The following STMN2 variants were observed in gnomAD, a reference collection of about 807,000 sequenced individuals.
STMN2 encodes stathmin 2.
In STMN2, 2 loss-of-function variants were observed where a neutral mutation model predicts 24.1. The ratio of observed to expected loss-of-function variants is 0.08; its 90% CI spans 0.03 to 0.26. The LOEUF (loss-of-function observed/expected upper bound fraction) is 0.26, where lower values mean the gene tolerates loss of function less well. Ranked by LOEUF, STMN2 falls within the 10% of genes least tolerant of loss-of-function variation. STMN2 has a pLI of 1.00. For synonymous variants in STMN2, 83 were observed against 77.5 expected (o/e 1.07, Z -0.37); for missense variants, 114 against 213.6 (o/e 0.53, Z 2.91).
chr8:79,655,687 T>C (rs1357309943), intron 4 of STMN2, among the ~76,000 whole-genome samples: 3 of 152,176 alleles, frequency 2.0e-5, no homozygotes, highest in Non-Finnish European at 4.4e-5. Context: ...GGAGGAGCTG[T>C]GCTGGAGTTC....
intron 1 of STMN2, among the ~76,000 whole-genome samples, chr8:79,625,869 G>T (rs1382244386): frequency 6.6e-6 from 1 of 152,162 alleles, no homozygotes; most frequent in Non-Finnish European, 1.5e-5. Context: ...GAGGCAGGGA[G>T]AATCGCTTGA....
chr8:79,632,881 T>C (rs1052844204), intron 1 of STMN2, among the ~76,000 whole-genome samples: 12 of 152,236 alleles, frequency 7.9e-5, no homozygotes, highest in African/African-American at 2.2e-4. Context: ...TTAATGATTG[T>C]TCCCACACAA....
At chr8:79,636,780 A>T in intron 1 of STMN2, 22 bp from the exon 2 acceptor site, 1 of 1,604,752 alleles carries the variant, frequency 6.2e-7, no homozygotes. Context: ...GAAATATACT[A>T]ATCTTCAGCT....
intron 3 of STMN2, among the ~76,000 whole-genome samples, chr8:79,643,149 GTATA>G (rs201477262): frequency 5.0e-5 from 7 of 140,100 alleles, no homozygotes; most frequent in African/African-American, 1.3e-4. Flanking sequence ...ATGTGTGTGT[GTATA>G]TATATATATA....
intron 3 of STMN2, among the ~76,000 whole-genome samples, chr8:79,651,529 C>T (rs1281553007): frequency 6.6e-6 from 1 of 152,174 alleles, no homozygotes; most frequent in Non-Finnish European, 1.5e-5. Context: ...AGTGGTGTTG[C>T]TGTATTACCT....
chr8:79,636,929 A>G (rs769492383), intron 2 of STMN2, 32 bp downstream of exon 2: 4 of 1,586,878 alleles, frequency 2.5e-6, no homozygotes, highest in Non-Finnish European at 3.5e-6. Context: ...TACCCCTGCT[A>G]GCTAGATCAT....
chr8:79,628,693 T>C (rs560423635), intron 1 of STMN2, among the ~76,000 whole-genome samples: 3 of 152,296 alleles, frequency 2.0e-5, no homozygotes, highest in South Asian at 4.1e-4. Flanking sequence ...TGCTGGACAT[T>C]AATATGCCTT....
chr8:79,636,497 T>C (rs140494723), intron 1 of STMN2, among the ~76,000 whole-genome samples: 19 of 152,306 alleles, frequency 1.2e-4, no homozygotes, highest in Non-Finnish European at 2.8e-4. Flanking sequence ...ATCTGTTTCC[T>C]CTCTCTCCCT....
intron 3 of STMN2, among the ~76,000 whole-genome samples, chr8:79,646,838 C>T (rs1810228607): frequency 6.6e-6 from 1 of 152,046 alleles, no homozygotes; most frequent in Non-Finnish European, 1.5e-5. Context: ...ATAGAGAAAA[C>T]AGGAAAACAT....
chr8:79,618,339 T>C (rs2130299138), intron 1 of STMN2, among the ~76,000 whole-genome samples: 1 of 152,314 alleles, frequency 6.6e-6, no homozygotes, highest in African/African-American at 2.4e-5. Flanking sequence ...CAGCACAGCA[T>C]CGATTTCTGG....
Position 79,611,151 on chromosome 8 carries a change from G to T in STMN2, c.-45G>T, listed in dbSNP as rs1217681084. On this transcript the variant is annotated 5_prime_UTR_variant, in exon 1 of 5. Coordinates refer to ENST00000220876, the MANE Select transcript of STMN2 (RefSeq NM_007029.4). ...TCTCGCTCTCTCCGCTGCTGTAGCC[G>T]GACCCTTTGCCTTCGCCACTGCTCA... 2 of 1,613,536 alleles carry T rather than the reference G, an allele frequency of 1.2e-6. No individual in the cohort carries two copies. The highest frequency in any genetic ancestry group is 3.3e-5 in the Admixed American group (2 of 60,000).
intron 1 of STMN2, among the ~76,000 whole-genome samples, chr8:79,613,236 C>T (rs947439319): frequency 6.6e-6 from 1 of 151,758 alleles, no homozygotes; most frequent in Admixed American, 6.5e-5. Context: ...GACCCTCGCT[C>T]CTCCAGCGGG....
At chr8:79,619,041 G>A (rs1465435258) in intron 1 of STMN2, among the ~76,000 whole-genome samples, 1 of 151,388 alleles carries the variant, frequency 6.6e-6, no homozygotes, top group African/African-American at 2.4e-5. Flanking sequence ...ATTTTTATAG[G>A]GCAAAAATAT....
Position 79,641,551 on chromosome 8 carries a change from G to T in STMN2, c.288+1G>T. The T allele has an allele frequency of 6.4e-7, 1 of 1,565,382 alleles. No individual in the cohort carries two copies. Among genetic ancestry groups the T allele is most frequent in the Non-Finnish European group, 8.7e-7 (1 of 1,150,806 alleles). ...GGAGGCTGCAGAGGAAAGAAGAAAG[G>T]TAACTTTTTCCATAGGTTTTCCTTC... On this transcript the variant is annotated splice_donor_variant, in intron 3 of 4. Transcript: ENST00000220876. LOFTEE classifies it high-confidence loss of function.
intron 4 of STMN2, among the ~76,000 whole-genome samples, chr8:79,657,589 A>G (rs2130391238): frequency 6.6e-6 from 1 of 152,236 alleles, no homozygotes; most frequent in East Asian, 1.9e-4. Context: ...AGTCTATCCC[A>G]CGTCACATAA....
At chr8:79,658,206 G>A (rs1034512614) in intron 4 of STMN2, among the ~76,000 whole-genome samples, 1 of 152,116 alleles carries the variant, frequency 6.6e-6, no homozygotes, top group Non-Finnish European at 1.5e-5. Flanking sequence ...AGGCTGAGAT[G>A]AAAGGATTGC....
At chr8:79,616,907 G>A (rs1030547261) in intron 1 of STMN2, among the ~76,000 whole-genome samples, 3 of 152,190 alleles carry the variant, frequency 2.0e-5, no homozygotes, top group Non-Finnish European at 2.9e-5. Context: ...GCGAGAGAGA[G>A]AGACAGACAG....
At chr8:79,622,231 A>G (rs1809530823) in intron 1 of STMN2, among the ~76,000 whole-genome samples, 1 of 152,210 alleles carries the variant, frequency 6.6e-6, no homozygotes, top group Non-Finnish European at 1.5e-5. Flanking sequence ...ATGAAATGGG[A>G]AAACAATACC....
chr8:79,630,789 C>A (rs1809779912), intron 1 of STMN2, among the ~76,000 whole-genome samples: 1 of 152,112 alleles, frequency 6.6e-6, no homozygotes, highest in Non-Finnish European at 1.5e-5. Flanking sequence ...TGTCCTTAAC[C>A]AGATGAATAG....
Sources: gnomAD v4.1 joint callset for allele counts (sites outside exome capture counted in the v4.1 genomes callset) on GRCh38, gnomAD v4.1.1 for gene constraint, MANE v1.5 for transcripts, NCBI Gene and HGNC (gene_info 2026-07-23, HGNC 2026-07-21) for gene names.